The following SEMA3E variants were observed in gnomAD, a reference collection of about 807,000 sequenced individuals.
SEMA3E encodes semaphorin-3E.
Under a neutral mutation model 93.6 loss-of-function variants are expected in SEMA3E, and 49 were observed. That is an observed-to-expected ratio of 0.52 (90% CI 0.42 to 0.66). The LOEUF (loss-of-function observed/expected upper bound fraction) is 0.66, where lower values mean the gene tolerates loss of function less well. SEMA3E is among the 30% of genes least tolerant of loss of function. SEMA3E has a pLI of 0.00. For synonymous variants in SEMA3E, 363 were observed against 330.7 expected (o/e 1.10, Z -1.06); for missense variants, 906 against 964.8 (o/e 0.94, Z 0.81).
intron 4 of SEMA3E, among the ~76,000 whole-genome samples, chr7:83,454,083 C>T (rs918699257): frequency 6.6e-6 from 1 of 150,700 alleles, no homozygotes; most frequent in East Asian, 2.0e-4. Flanking sequence ...ACGGTGAAAA[C>T]CCGTCTCTAC....
At chr7:83,554,930 T>G (rs571609630) in intron 1 of SEMA3E, among the ~76,000 whole-genome samples, 1 of 149,694 alleles carries the variant, frequency 6.7e-6, no homozygotes, top group East Asian at 2.0e-4. Flanking sequence ...TGAGCCAAGA[T>G]CAGACCACTG....
Position 83,396,635 on chromosome 7 carries a change from T to A in SEMA3E, c.1458+3A>T. The stretch of plus-strand genomic sequence containing the variant: ...TTTGGTCTGTATTTTTTGCTTTAAA[T>A]ACCTTGAATATCTGAAGTTCTTCTA... On this transcript the variant is annotated splice_donor_region_variant and intron_variant, in intron 12 of 16. Coordinates refer to ENST00000643230, the MANE Select transcript of SEMA3E (RefSeq NM_012431.3). The A allele has an allele frequency of 1.9e-6, 3 of 1,583,806 alleles. No individual in the cohort carries two copies. The highest frequency in any genetic ancestry group is 2.6e-6 in the Non-Finnish European group (3 of 1,154,042).
rs148962198 is a variant in SEMA3E at position 83,385,366 on chromosome 7, T to G, written c.1803A>C (p.Glu601Asp). Residue 601 changes from glutamate (E) to aspartate (D), a missense_variant, in exon 16 of 17, where the codon GAA becomes GAC. By Grantham distance (45) the Glu-to-Asp change is conservative (BLOSUM62 2). Transcript: ENST00000643230. ...TCGCTTGTAAAGATCGTGGGGTACA[T>G]TCCAGCAAAGTACTGTTGTTCTCTA... ...YGIENNSTLL[E>D]CTPRSLQAKV... The G allele has an allele frequency of 2.5e-6, 4 of 1,613,602 alleles. No individual in the cohort carries two copies. The African/African-American group carries it at 5.3e-5, about 22-fold the overall frequency.
At chr7:83,463,661 C>T (rs1789684392) in intron 4 of SEMA3E, among the ~76,000 whole-genome samples, 1 of 152,130 alleles carries the variant, frequency 6.6e-6, no homozygotes, top group African/African-American at 2.4e-5. Flanking sequence ...GCGGTTCCAC[C>T]AGGCCTAATC....
chr7:83,429,199 T>C (rs1788833788), intron 4 of SEMA3E, among the ~76,000 whole-genome samples: 1 of 152,210 alleles, frequency 6.6e-6, no homozygotes, highest in Non-Finnish European at 1.5e-5. Context: ...TTTTTAATAA[T>C]TCAGCACATA....
intron 4 of SEMA3E, among the ~76,000 whole-genome samples, 197 bp downstream of exon 4, chr7:83,466,285 A>T (rs1789753998): frequency 6.6e-6 from 1 of 152,198 alleles, no homozygotes; most frequent in East Asian, 1.9e-4. Flanking sequence ...GTGCATAGCA[A>T]ATTAATTGGT....
chr7:83,398,997 A>C (rs1788183366), intron 11 of SEMA3E, among the ~76,000 whole-genome samples: 1 of 152,094 alleles, frequency 6.6e-6, no homozygotes, highest in East Asian at 1.9e-4. Context: ...AACAAAACAA[A>C]AATAAAAACA....
intron 1 of SEMA3E, among the ~76,000 whole-genome samples, chr7:83,536,315 A>G (rs538078688): frequency 2.0e-5 from 3 of 152,116 alleles, no homozygotes; most frequent in African/African-American, 7.2e-5. Flanking sequence ...GGCCAGGAGA[A>G]TGTCTTAGAC....
intron 4 of SEMA3E, among the ~76,000 whole-genome samples, chr7:83,454,296 T>TATATATATATATATATAA (rs1350195502): frequency 1.5e-5 from 2 of 130,642 alleles, no homozygotes; most frequent in African/African-American, 5.7e-5. Flanking sequence ...TATATATATA[T>TATATATATATATATATAA]AATGTGTGTA....
At position 83,424,047 on chromosome 7, in the gene SEMA3E, G is replaced by GTGATGTT. The variant is rs1359545268; in HGVS notation, c.457-5565_457-5564insAACATCA. On this transcript the variant is annotated intron_variant, in intron 4 of 16. Coordinates refer to ENST00000643230, the MANE Select transcript of SEMA3E (RefSeq NM_012431.3). The stretch of plus-strand genomic sequence containing the variant: ...ATTGGAACATCACTGCAGTAGAAAA[G>GTGATGTT]TACCATTCTCTTTATGTAAAAAGGA... 1.2e-4 allele frequency among the ~76,000 whole-genome samples: 19 copies of GTGATGTT among 152,156 alleles called. No individual in the cohort carries two copies. The East Asian group carries it at 3.7e-3, about 29-fold the overall frequency.
intron 1 of SEMA3E, among the ~76,000 whole-genome samples, chr7:83,630,511 T>C (rs1793764827): frequency 6.6e-6 from 1 of 152,164 alleles, no homozygotes; most frequent in African/African-American, 2.4e-5. Context: ...TCTGACAGGG[T>C]ACACAAATTC....
intron 4 of SEMA3E, among the ~76,000 whole-genome samples, chr7:83,432,169 A>G (rs1225574011): frequency 1.3e-5 from 2 of 152,144 alleles, no homozygotes; most frequent in Admixed American, 1.3e-4. Flanking sequence ...AGCCCTAAAA[A>G]TTGTGGATGA....
intron 1 of SEMA3E, among the ~76,000 whole-genome samples, chr7:83,645,720 TCTCTC>T (rs1562868354): frequency 0.06 from 903 of 15,084 alleles, 7 homozygotes; most frequent in African/African-American, 0.32. Context: ...CTTGTCTCCT[TCTCTC>T]TCTCTCTCTC....
At chr7:83,623,323 A>G (rs903860360) in intron 1 of SEMA3E, among the ~76,000 whole-genome samples, 1 of 152,178 alleles carries the variant, frequency 6.6e-6, no homozygotes, top group Non-Finnish European at 1.5e-5. Context: ...GAATATGATG[A>G]GATAAAATGG....
At chr7:83,440,214 T>C (rs1789084449) in intron 4 of SEMA3E, among the ~76,000 whole-genome samples, 1 of 152,166 alleles carries the variant, frequency 6.6e-6, no homozygotes, top group South Asian at 2.1e-4. Context: ...GTACAATTAG[T>C]ATAATGAGTG....
intron 2 of SEMA3E, among the ~76,000 whole-genome samples, chr7:83,476,065 T>C (rs1790002170): frequency 6.6e-6 from 1 of 152,208 alleles, no homozygotes; most frequent in Non-Finnish European, 1.5e-5. Flanking sequence ...TATTAGACTA[T>C]AAATTACAGA....
At chr7:83,492,979 G>C (rs2115567280) in intron 1 of SEMA3E, among the ~76,000 whole-genome samples, 1 of 152,096 alleles carries the variant, frequency 6.6e-6, no homozygotes, top group South Asian at 2.1e-4. Context: ...CCAGGTTTTA[G>C]TCTTGGCTTT....
chr7:83,486,522 T>C (rs1194112906), intron 2 of SEMA3E, among the ~76,000 whole-genome samples: 3 of 152,176 alleles, frequency 2.0e-5, no homozygotes, highest in Non-Finnish European at 4.4e-5. Flanking sequence ...CTTCAGAGCC[T>C]GGTGAGCACC....
At chr7:83,552,715 C>T (rs12671786) in intron 1 of SEMA3E, among the ~76,000 whole-genome samples, 80,455 of 151,872 alleles carry the variant, frequency 0.53, 21,939 homozygotes, top group Middle Eastern at 0.68. Context: ...CTGAGATACA[C>T]GCCCTGGTAT....
Sources: allele counts gnomAD v4.1 joint callset (sites outside exome capture counted in the v4.1 genomes callset), GRCh38; gene constraint gnomAD v4.1.1; transcripts MANE v1.5; gene names NCBI Gene and HGNC (gene_info 2026-07-23, HGNC 2026-07-21).